Variants in NOX5 observed in about 807,000 individuals in gnomAD.
NOX5 encodes the protein NADPH oxidase 5.
Under a neutral mutation model 85.7 loss-of-function variants are expected in NOX5, and 76 were observed. That is an observed-to-expected ratio of 0.89 (90% confidence interval 0.74 to 1.07). NOX5 has a LOEUF of 1.07. Among genes scored for constraint, NOX5 ranks in the 50% least tolerant of loss-of-function variants. NOX5 has a pLI of 0.00. For synonymous variants in NOX5, 405 were observed against 401.4 expected (o/e 1.01, Z -0.11); for missense variants, 973 against 999.5 (o/e 0.97, Z 0.36).
At chr15:69,051,280 C>T (rs138260432) in intron 14 of NOX5, among the ~76,000 whole-genome samples, 25 of 152,298 alleles carry the variant, frequency 1.6e-4, no homozygotes, top group African/African-American at 5.3e-4. Flanking sequence ...ATGATAGTCC[C>T]GTGCCACCTG....
chr15:69,047,383 C>A, intron 11 of NOX5, 30 bp from the exon 12 acceptor site: 1 of 1,541,440 alleles, frequency 6.5e-7, no homozygotes, highest in Non-Finnish European at 8.7e-7. Flanking sequence ...CACCCCCCAT[C>A]TCTCTTCTCT....
rs1278419867 is a variant in NOX5, at chr15:69,047,891, GACA to G, written c.1883_1885del (p.Asn628del). 6.2e-7 allele frequency: 1 copy of G among 1,614,176 alleles called. No homozygotes were observed. The highest frequency in any genetic ancestry group is 1.1e-5 in the South Asian group (1 of 91,078). On this transcript the variant is annotated inframe_deletion, in exon 13 of 16. Coordinates refer to ENST00000388866, the MANE Select transcript of NOX5 (RefSeq NM_024505.4). ...GCACTCCTGGATCGAAGGTGTCCAA[GACA>G]ACATGAAGCTCCATAAGGTGAGTAC...
Position 69,035,933 on chromosome 15 carries a change from T to C in NOX5, c.1185T>C (p.Phe395=). The change falls in exon 7 of 16, where the codon TTT becomes TTC. Residue 395 remains phenylalanine (F), a synonymous_variant. Coordinates refer to ENST00000388866, the MANE Select transcript of NOX5 (RefSeq NM_024505.4). The part of the protein sequence containing the change: ...SSSCIRRSGH[F]EVFYWTHLSY... ...CCTGCATCCGCAGGAGTGGCCACTT[T>C]GAGGTGCCCCAGTTGCTGCCCTTTT... 1 of 1,614,078 alleles carries C rather than the reference T, an allele frequency of 6.2e-7. No individual in the cohort carries two copies. Among genetic ancestry groups the C allele is most frequent in the Middle Eastern group, 1.6e-4 (1 of 6,062 alleles).
At chr15:69,050,536 G>A (rs892690151) in intron 14 of NOX5, among the ~76,000 whole-genome samples, 1 of 152,020 alleles carries the variant, frequency 6.6e-6, no homozygotes, top group Non-Finnish European at 1.5e-5. Flanking sequence ...GATTACAAGC[G>A]CCCGCCTCCA....
At chr15:69,034,986 A>G (rs957984572) in intron 5 of NOX5, among the ~76,000 whole-genome samples, 1 of 152,052 alleles carries the variant, frequency 6.6e-6, no homozygotes, top group Non-Finnish European at 1.5e-5. Context: ...GGCTGGTCTC[A>G]AACTCCTAGG....
intron 9 of NOX5, among the ~76,000 whole-genome samples, chr15:69,040,138 G>A (rs1263004844): frequency 1.3e-5 from 2 of 152,216 alleles, no homozygotes; most frequent in African/African-American, 4.8e-5. Flanking sequence ...CCAAGGCCAG[G>A]GTTTCCCCAT....
At chr15:69,024,265 A>G (rs767387251) in intron 1 of NOX5, 1 of 152,216 alleles carries the variant, frequency 6.6e-6, no homozygotes, top group Non-Finnish European at 1.5e-5. Context: ...GAATAATTTG[A>G]TGAGTGTCGA....
intron 14 of NOX5, among the ~76,000 whole-genome samples, chr15:69,049,920 A>G (rs2050725972): frequency 6.6e-6 from 1 of 152,222 alleles, no homozygotes; most frequent in Non-Finnish European, 1.5e-5. Flanking sequence ...CACCACTGCA[A>G]TCAAAATATG....
intron 10 of NOX5, 122 bp from the exon 11 acceptor site, chr15:69,046,700 T>G (rs2050677776): frequency 1.2e-6 from 1 of 854,402 alleles, no homozygotes; most frequent in South Asian, 1.9e-5. Context: ...CTGAATGGTT[T>G]GGGCAGAAAA....
intron 14 of NOX5, among the ~76,000 whole-genome samples, chr15:69,055,065 T>C (rs1053389754): frequency 1.3e-5 from 2 of 152,092 alleles, no homozygotes; most frequent in African/African-American, 4.8e-5. Flanking sequence ...AAATACTAAA[T>C]AAATAAATAT....
At chr15:69,025,250 C>G (rs550381907) in intron 1 of NOX5, among the ~76,000 whole-genome samples, 7 of 152,010 alleles carry the variant, frequency 4.6e-5, no homozygotes, top group African/African-American at 1.7e-4. Flanking sequence ...AGCACTGTCA[C>G]TTGTTCCTGA....
At chr15:69,040,708 TTA>T (rs1166708639) in intron 9 of NOX5, among the ~76,000 whole-genome samples, 1 of 152,170 alleles carries the variant, frequency 6.6e-6, no homozygotes, top group Non-Finnish European at 1.5e-5. Context: ...TCTTTTTTTT[TTA>T]GAGTCTCATT....
At chr15:69,030,164 A>G (rs906541901) in intron 3 of NOX5, 1 of 152,186 alleles carries the variant, frequency 6.6e-6, no homozygotes, top group Admixed American at 6.5e-5. Flanking sequence ...TTATTATATG[A>G]TCTTAGACTA....
At chr15:69,046,356 A>G (rs944548130) in intron 10 of NOX5, 3 of 153,230 alleles carry the variant, frequency 2.0e-5, no homozygotes, top group African/African-American at 7.2e-5. Context: ...TGAGCTGGAC[A>G]ATGAAGGATA....
At position 69,037,195 on chromosome 15, in the gene NOX5, C is replaced by T. The variant is rs1456408105; in HGVS notation, c.1356C>T (p.Asn452=). ...RMAAVCIMEV[N]LLPSKVTHLL... is the part of the protein sequence containing the mutation. ...CAGCCGTGTGCATCATGGAAGTCAA[C>T]CTCCTCCCCTCCAAGGTACAAAGGT... The change falls in exon 8 of 16, where the codon AAC becomes AAT. Residue 452 remains asparagine (N), a synonymous_variant. Transcript: ENST00000388866. The T allele has an allele frequency of 3.7e-6, 6 of 1,613,352 alleles. No homozygotes were observed. In the Admixed American group the frequency reaches 6.7e-5, roughly 18 times the overall value.
At chr15:69,035,058 G>A (rs924411112) in intron 5 of NOX5, among the ~76,000 whole-genome samples, 5 of 152,084 alleles carry the variant, frequency 3.3e-5, no homozygotes, top group South Asian at 2.1e-4. Flanking sequence ...GAGCCACTGC[G>A]CCTGGCCCAT....
Position 69,031,499 on chromosome 15 carries a change from G to A in NOX5, c.326-19G>A. The A allele has an allele frequency of 1.3e-6, 2 of 1,590,422 alleles. No homozygotes were observed. The highest frequency in any genetic ancestry group is 1.7e-6 in the Non-Finnish European group (2 of 1,166,892). Reference sequence around the variant, plus strand: ...AAGCTGGAGGTGGGTAAACAGAAGAGGCCCACCACTTCTTGCAGTGTGTGC... The same window carrying A: ...AAGCTGGAGGTGGGTAAACAGAAGAAGCCCACCACTTCTTGCAGTGTGTGC... On this transcript the variant is annotated intron_variant, in intron 3 of 15. Transcript: ENST00000388866.
rs1428752636 is a variant in NOX5, at chr15:69,035,909, C to G, written c.1161C>G (p.Ser387=). Residue 387 remains serine, a synonymous_variant, in exon 7 of 16, where the codon TCC becomes TCG. Coordinates refer to ENST00000388866, the MANE Select transcript of NOX5 (RefSeq NM_024505.4). The stretch of plus-strand genomic sequence containing the variant: ...TCCTCATGTTCATCTGCTCCAGTTC[C>G]TGCATCCGCAGGAGTGGCCACTTTG... ...LLLLMFICSS[S]CIRRSGHFEV... The G allele has an allele frequency of 6.2e-7, 1 of 1,614,212 alleles. No homozygotes were observed. Among genetic ancestry groups the G allele is most frequent in the Admixed American group, 1.7e-5 (1 of 60,028 alleles).
At chr15:69,045,572 C>CTTTCTTTCTTTCTTT (rs748316277) in intron 10 of NOX5, among the ~76,000 whole-genome samples, 12 of 10,418 alleles carry the variant, frequency 1.2e-3, no homozygotes, top group South Asian at 4.3e-3. Context: ...TTCTTTCTTC[C>CTTTCTTTCTTTCTTT]CTTTCTTTCT....
Sources: gnomAD v4.1 joint callset for allele counts (sites outside exome capture counted in the v4.1 genomes callset) on GRCh38, gnomAD v4.1.1 for gene constraint, MANE v1.5 for transcripts, NCBI Gene and HGNC (gene_info 2026-07-23, HGNC 2026-07-21) for gene names.